The following CEMIP variants were observed in gnomAD, a reference collection of about 807,000 sequenced individuals.
The protein encoded by CEMIP is cell migration inducing hyaluronidase 1.
A neutral mutation model predicts 156.9 loss-of-function variants in CEMIP; 105 were observed. The observed-to-expected ratio is 0.67, with a 90% CI of 0.57 to 0.79. The LOEUF (loss-of-function observed/expected upper bound fraction) is 0.79. Ranked by LOEUF, CEMIP falls within the 30% of genes least tolerant of loss-of-function variation. The pLI is 0.00. For missense variants in CEMIP, 1,457 were observed against 1,769.4 expected (o/e 0.82, Z 3.17); for synonymous variants, 676 against 668.4 (o/e 1.01, Z -0.17).
chr15:80,840,282 C>A (rs970777368), intron 1 of CEMIP, among the ~76,000 whole-genome samples: 4 of 152,050 alleles, frequency 2.6e-5, no homozygotes, highest in African/African-American at 9.7e-5. Flanking sequence ...CATCCACTCG[C>A]GTTCCACTCA....
intron 1 of CEMIP, among the ~76,000 whole-genome samples, chr15:80,809,890 G>A (rs1896615001): frequency 6.6e-6 from 1 of 152,158 alleles, no homozygotes; most frequent in African/African-American, 2.4e-5. Context: ...GAGTATCTAG[G>A]TTCTCTTTCT....
At chr15:80,935,584 C>T (rs778561234) in intron 23 of CEMIP, among the ~76,000 whole-genome samples, 1 of 152,104 alleles carries the variant, frequency 6.6e-6, no homozygotes, top group Non-Finnish European at 1.5e-5. Context: ...ATCTTATATG[C>T]GATAAAACTA....
chr15:80,835,999 G>T (rs1446839904), intron 1 of CEMIP, among the ~76,000 whole-genome samples: 3 of 141,784 alleles, frequency 2.1e-5, no homozygotes, highest in African/African-American at 7.7e-5. Flanking sequence ...ATCAAAATAG[G>T]TCATGTGTAA....
intron 18 of CEMIP, 71 bp from the exon 19 acceptor site, chr15:80,925,553 G>T: frequency 6.3e-7 from 1 of 1,594,136 alleles, no homozygotes; most frequent in Non-Finnish European, 8.5e-7. Flanking sequence ...GGCTCACAGA[G>T]CCCAGAAGGG....
chr15:80,798,939 A>G (rs1208706323), intron 1 of CEMIP, among the ~76,000 whole-genome samples: 3 of 152,236 alleles, frequency 2.0e-5, no homozygotes. Context: ...GTGCAAGAAG[A>G]AACTCTAACA....
intron 1 of CEMIP, among the ~76,000 whole-genome samples, chr15:80,796,810 A>T (rs143417745): frequency 1.6e-4 from 25 of 152,342 alleles, no homozygotes; most frequent in South Asian, 2.1e-4. Flanking sequence ...TCAGGAGAAC[A>T]CATGAGATTA....
At chr15:80,940,378 G>A (rs1436306971) in intron 25 of CEMIP, among the ~76,000 whole-genome samples, 1 of 152,222 alleles carries the variant, frequency 6.6e-6, no homozygotes, top group Non-Finnish European at 1.5e-5. Flanking sequence ...GTTAAGTTTT[G>A]TGCAGAAGCC....
intron 14 of CEMIP, 56 bp downstream of exon 14, chr15:80,909,362 T>C: frequency 6.4e-7 from 1 of 1,553,194 alleles, no homozygotes; most frequent in South Asian, 1.1e-5. Flanking sequence ...TGGTTAGCAC[T>C]GGAGGGGTGT....
chr15:80,933,687 T>C (rs1901013983), intron 23 of CEMIP, among the ~76,000 whole-genome samples: 1 of 152,242 alleles, frequency 6.6e-6, no homozygotes, highest in East Asian at 1.9e-4. Flanking sequence ...AAGAACCCTC[T>C]GGGTCAACTG....
intron 1 of CEMIP, among the ~76,000 whole-genome samples, chr15:80,835,747 T>C (rs1567063366): frequency 1.3e-5 from 2 of 152,218 alleles, no homozygotes; most frequent in Non-Finnish European, 2.9e-5. Context: ...TCCTCTTTCT[T>C]AGGGACCTTG....
intron 1 of CEMIP, among the ~76,000 whole-genome samples, chr15:80,790,810 T>C (rs1596090045): frequency 6.6e-6 from 1 of 152,336 alleles, no homozygotes; most frequent in African/African-American, 2.4e-5. Flanking sequence ...GCCCATTCTT[T>C]CTAGATACTT....
At position 80,909,320 on chromosome 15, in the gene CEMIP, T is replaced by C. The variant is rs753794655; in HGVS notation, c.1797+14T>C. ...AATGGCTTGTTGGTAAGAACCTCCT[T>C]CCCTCAGGGAACTCTGGGGATGGGC... On this transcript the variant is annotated intron_variant, in intron 14 of 29. Transcript: ENST00000394685. The C allele has an allele frequency of 2.4e-5, 38 of 1,613,382 alleles. No individual in the cohort carries two copies. The highest frequency in any genetic ancestry group is 2.8e-5 in the Non-Finnish European group (33 of 1,179,554).
intron 19 of CEMIP, among the ~76,000 whole-genome samples, chr15:80,926,974 G>A (rs1274717171): frequency 4.6e-5 from 7 of 152,138 alleles, no homozygotes; most frequent in Non-Finnish European, 8.8e-5. Flanking sequence ...GGGATTACAA[G>A]CGTGCACCAC....
At chr15:80,862,986 C>T (rs983391274) in intron 1 of CEMIP, among the ~76,000 whole-genome samples, 3 of 152,256 alleles carry the variant, frequency 2.0e-5, no homozygotes, top group Admixed American at 6.5e-5. Flanking sequence ...CTGGGATTGG[C>T]GGGAGAGGCC....
At chr15:80,862,301 G>A (rs1255395879) in intron 1 of CEMIP, among the ~76,000 whole-genome samples, 2 of 152,164 alleles carry the variant, frequency 1.3e-5, no homozygotes, top group African/African-American at 4.8e-5. Flanking sequence ...AAAGACCATT[G>A]GTGGACTGGG....
chr15:80,859,244 G>T (rs1023272777), intron 1 of CEMIP, among the ~76,000 whole-genome samples: 1 of 152,198 alleles, frequency 6.6e-6, no homozygotes, highest in African/African-American at 2.4e-5. Flanking sequence ...GGGAAAGATG[G>T]CTGCAAAGGA....
chr15:80,914,076 G>C (rs577530884), intron 14 of CEMIP, among the ~76,000 whole-genome samples: 1 of 114,788 alleles, frequency 8.7e-6, no homozygotes, highest in Non-Finnish European at 2.0e-5. Context: ...GGTGCAGTCT[G>C]CCTTCAAAGG....
At chr15:80,923,274 G>T (rs1044983611) in intron 17 of CEMIP, among the ~76,000 whole-genome samples, 13 of 152,178 alleles carry the variant, frequency 8.5e-5, no homozygotes, top group African/African-American at 3.1e-4. Context: ...AGGAGAATTA[G>T]TGCCGGGTAA....
chr15:80,933,263 T>G lies in CEMIP; in HGVS notation c.2812T>G (p.Phe938Val). Residue 938 changes from phenylalanine to valine, a missense_variant, in exon 23 of 30, where the codon TTC becomes GTC. Coordinates refer to ENST00000394685, the MANE Select transcript of CEMIP (RefSeq NM_001293298.2). ...TGTTTAGATTACTTCCAGAGTGTTCTTCGGAGAGCCTGGGCCCTGGTTCAA... is the reference window on the plus strand; with the variant it reads ...TGTTTAGATTACTTCCAGAGTGTTCGTCGGAGAGCCTGGGCCCTGGTTCAA... The part of the protein sequence containing the change: ...EDVPITSRVF[F>V]GEPGPWFNQL... 1 of 1,614,212 alleles carries G rather than the reference T, an allele frequency of 6.2e-7. No individual in the cohort carries two copies.
Sources: gnomAD v4.1 joint callset for allele counts (sites outside exome capture counted in the v4.1 genomes callset) on GRCh38, gnomAD v4.1.1 for gene constraint, MANE v1.5 for transcripts, NCBI Gene and HGNC (gene_info 2026-07-23, HGNC 2026-07-21) for gene names.